The following PRKN variants were observed in gnomAD, a reference collection of about 807,000 sequenced individuals.
PRKN encodes E3 ubiquitin-protein ligase parkin.
A neutral mutation model predicts 59.5 loss-of-function variants in PRKN; 56 were observed. The ratio of observed to expected loss-of-function variants is 0.94; its 90% CI spans 0.76 to 1.18. The LOEUF (loss-of-function observed/expected upper bound fraction) is 1.18. PRKN is among the 50% of genes most tolerant of loss of function. PRKN has a pLI of 0.00. For synonymous variants in PRKN, 250 were observed against 222.1 expected, an observed-to-expected ratio of 1.13 and a Z score of -1.12; for missense variants, 657 against 596.4, an observed-to-expected ratio of 1.10 and a Z score of -1.06.
chr6:161,641,937 A>C (rs892423376), intron 7 of PRKN, among the ~76,000 whole-genome samples: 1 of 152,192 alleles, frequency 6.6e-6, no homozygotes, highest in Non-Finnish European at 1.5e-5. Context: ...ACAATGTTGA[A>C]GTTTCTGCTA....
intron 9 of PRKN, among the ~76,000 whole-genome samples, chr6:161,431,138 C>A (rs1436122735): frequency 2.4e-3 from 331 of 137,650 alleles, no homozygotes; most frequent in East Asian, 2.9e-3. Context: ...GACTCTGTCT[C>A]AAAAAAAAAA....
At chr6:162,398,557 A>C (rs1787601634) in intron 2 of PRKN, among the ~76,000 whole-genome samples, 1 of 152,004 alleles carries the variant, frequency 6.6e-6, no homozygotes, top group Admixed American at 6.6e-5. Flanking sequence ...CACCCAGCTA[A>C]TTTTTGTATT....
intron 1 of PRKN, among the ~76,000 whole-genome samples, chr6:162,690,979 T>C (rs188112277): frequency 1.8e-4 from 27 of 152,282 alleles, no homozygotes; most frequent in Admixed American, 1.1e-3. Context: ...CCTTTGGTTA[T>C]GAAGGATATG....
At chr6:162,195,222 G>A (rs1341808445) in intron 4 of PRKN, among the ~76,000 whole-genome samples, 1 of 152,142 alleles carries the variant, frequency 6.6e-6, no homozygotes, top group South Asian at 2.1e-4. Flanking sequence ...AAAATAATGC[G>A]TAATGCCTCC....
chr6:161,699,211 A>G lies in PRKN; in HGVS notation c.871+86561T>C, dbSNP rs551967500. On this transcript the variant is annotated intron_variant, in intron 7 of 11. Coordinates refer to ENST00000366898, the MANE Select transcript of PRKN (RefSeq NM_004562.3). ...AAAACCAAAATTTAAAACATGAAGC[A>G]TATCAAGTGTTGAGAATGAGGTGGA... Among the ~76,000 whole-genome samples the G allele has an allele frequency of 5.3e-5, 8 of 152,272 alleles. No individual in the cohort carries two copies. The South Asian group carries it at 1.7e-3, about 32-fold the overall frequency.
At chr6:162,319,988 A>T (rs1272753707) in intron 2 of PRKN, among the ~76,000 whole-genome samples, 3 of 151,746 alleles carry the variant, frequency 2.0e-5, no homozygotes, top group African/African-American at 7.3e-5. Flanking sequence ...TGCCAAGTCC[A>T]TTGTCTATGA....
intron 4 of PRKN, among the ~76,000 whole-genome samples, chr6:162,176,457 G>T (rs1036079888): frequency 5.3e-5 from 8 of 152,088 alleles, no homozygotes; most frequent in Non-Finnish European, 1.2e-4. Flanking sequence ...TTGGCCAGGT[G>T]ATATATTGAT....
At chr6:162,335,162 C>T (rs912604457) in intron 2 of PRKN, among the ~76,000 whole-genome samples, 18 of 151,616 alleles carry the variant, frequency 1.2e-4, no homozygotes, top group African/African-American at 2.7e-4. Context: ...TATAGGTACA[C>T]GGCACCACGT....
chr6:162,673,749 G>A (rs12665050), intron 1 of PRKN, among the ~76,000 whole-genome samples: 1 of 152,132 alleles, frequency 6.6e-6, no homozygotes, highest in African/African-American at 2.4e-5. Context: ...CCATACAGAG[G>A]AAGATGGAAA....
In PRKN at chr6:162,617,110, C is replaced by T. The variant is rs534741634; in HGVS notation, c.7+110552G>A. Among the ~76,000 whole-genome samples, 6 of 152,150 alleles carry T rather than the reference C, an allele frequency of 3.9e-5. No individual in the cohort carries two copies. The South Asian group carries it at 1.2e-3, about 32-fold the overall frequency. ...AATGTGATATTTTGATATATGTATA[C>T]ATTGTAGAAAGATTAAATCAAGCTA... On this transcript the variant is annotated intron_variant, in intron 1 of 11. Transcript: ENST00000366898.
chr6:161,360,114 C>A lies in PRKN; in HGVS notation c.1259G>T (p.Arg420Leu). 1.2e-6 allele frequency: 2 copies of A among 1,613,734 alleles called. No individual in the cohort carries two copies. Among genetic ancestry groups the A allele is most frequent in the Non-Finnish European group, 1.7e-6 (2 of 1,179,644 alleles). Residue 420 changes from arginine to leucine, a missense_variant, in exon 11 of 12, where the codon CGC (arginine) becomes CTC (leucine). By Grantham distance (102) the Arg-to-Leu change is moderately radical (BLOSUM62 -2). Coordinates refer to ENST00000366898, the MANE Select transcript of PRKN (RefSeq NM_004562.3). The surrounding 1 kb of genome is among the most constrained non-coding windows in gnomAD (Gnocchi z 5.1). ...ATTTTTTTCCACTGGTACATGGCAG[C>A]GGGGACAGGGCTTGGTGGTTTTCTT... ...TIKKTTKPCP[R>L]CHVPVEKNGG... is the part of the protein sequence containing the mutation.
At chr6:161,703,599 C>T (rs139225001) in intron 7 of PRKN, among the ~76,000 whole-genome samples, 305 of 152,284 alleles carry the variant, frequency 2.0e-3, no homozygotes, top group African/African-American at 6.9e-3. Flanking sequence ...TCCCACCTCA[C>T]CTCTGCCAGG....
chr6:162,211,411 T>C (rs1448359145), intron 3 of PRKN, among the ~76,000 whole-genome samples: 1 of 152,206 alleles, frequency 6.6e-6, no homozygotes, highest in Non-Finnish European at 1.5e-5. Flanking sequence ...GTTCTACAAA[T>C]TGAATGTTAT....
chr6:161,912,989 C>T (rs1778422684), intron 6 of PRKN, among the ~76,000 whole-genome samples: 2 of 151,910 alleles, frequency 1.3e-5, no homozygotes, highest in African/African-American at 4.8e-5. Context: ...CCAGCCTGGC[C>T]AACATGGTGA....
At chr6:162,138,540 C>T (rs931681804) in intron 4 of PRKN, among the ~76,000 whole-genome samples, 3 of 151,774 alleles carry the variant, frequency 2.0e-5, no homozygotes, top group African/African-American at 7.3e-5. Context: ...AAAATAGGAA[C>T]CACAACCAGG....
At position 162,519,480 on chromosome 6, in the gene PRKN, C is replaced by T. The variant is rs1041451606; in HGVS notation, c.8-76007G>A. Among the ~76,000 whole-genome samples, 3 of 152,232 alleles carry T rather than the reference C, an allele frequency of 2.0e-5. No individual in the cohort carries two copies. The East Asian group carries it at 5.8e-4, about 29-fold the overall frequency. ...CCCCAGCCACAAACACTTTGAGAAA[C>T]AGGCCCTATTCTTAGGTGATGCTTA... On this transcript the variant is annotated intron_variant, in intron 1 of 11. Coordinates refer to ENST00000366898, the MANE Select transcript of PRKN (RefSeq NM_004562.3).
intron 1 of PRKN, among the ~76,000 whole-genome samples, chr6:162,496,611 G>C (rs1793073317): frequency 6.6e-6 from 1 of 152,168 alleles, no homozygotes; most frequent in African/African-American, 2.4e-5. Flanking sequence ...GAATAGGAAA[G>C]GCTTATACAC....
Position 161,447,774 on chromosome 6 carries a change from T to G in PRKN, c.1084-60897A>C, listed in dbSNP as rs573157106. The stretch of plus-strand genomic sequence containing the variant: ...TCCCAATGTGCTGGGATTACAGGTA[T>G]GAGCCACCGTGGCTGGCCTCCTTTT... On this transcript the variant is annotated intron_variant, in intron 9 of 11. Coordinates refer to ENST00000366898, the MANE Select transcript of PRKN (RefSeq NM_004562.3). The surrounding 1 kb of genome is among the most constrained non-coding windows in gnomAD (Gnocchi z 4.1). Among the ~76,000 whole-genome samples the G allele has an allele frequency of 2.0e-5, 3 of 152,226 alleles. No homozygotes were observed. The highest frequency in any genetic ancestry group is 4.4e-5 in the Non-Finnish European group (3 of 68,044).
At chr6:162,084,689 T>C (rs1438681853) in intron 4 of PRKN, among the ~76,000 whole-genome samples, 2 of 152,136 alleles carry the variant, frequency 1.3e-5, no homozygotes, top group Admixed American at 1.3e-4. Context: ...AATGAAAGTA[T>C]ACATTAGTAA....
Sources: gnomAD v4.1 joint callset for allele counts (sites outside exome capture counted in the v4.1 genomes callset) on GRCh38, gnomAD v4.1.1 for gene constraint, Gnocchi (gnomAD v3.1) non-coding constraint, MANE v1.5 for transcripts, NCBI Gene and HGNC (gene_info 2026-07-23, HGNC 2026-07-21) for gene names.